MEAF6: variants seen among roughly 807,000 people sequenced by gnomAD.
MEAF6 encodes MYST/Esa1 associated factor 6.
Under a neutral mutation model 28.9 loss-of-function variants are expected in MEAF6, and 15 were observed. That is an observed-to-expected ratio of 0.52 (90% CI 0.35 to 0.80). The LOEUF (loss-of-function observed/expected upper bound fraction) is 0.80. Ranked by LOEUF, MEAF6 falls within the 30% of genes least tolerant of loss-of-function variation. The pLI is 0.01. For synonymous variants in MEAF6, 97 were observed against 88.7 expected (o/e 1.09, Z -0.53); for missense variants, 178 against 237.5 (o/e 0.75, Z 1.65).
intron 2 of MEAF6, among the ~76,000 whole-genome samples, chr1:37,512,932 T>C (rs1387023185): frequency 2.0e-5 from 3 of 152,120 alleles, no homozygotes; most frequent in African/African-American, 7.2e-5. Flanking sequence ...GGCTCACACC[T>C]GTAATCCCAA....
intron 4 of MEAF6, among the ~76,000 whole-genome samples, chr1:37,502,485 A>G (rs548096195): frequency 7.3e-5 from 11 of 151,686 alleles, no homozygotes; most frequent in Admixed American, 4.6e-4. Context: ...ACAAAAAAAA[A>G]GGGGGGGCCA....
At chr1:37,507,484 T>C in intron 4 of MEAF6, among the ~76,000 whole-genome samples, 1 of 135,992 alleles carries the variant, frequency 7.4e-6, no homozygotes, top group East Asian at 2.1e-4. Flanking sequence ...TAGTGGAGAG[T>C]CATAGTAAAA....
chr1:37,497,866 A>G (rs1161304726), intron 5 of MEAF6, among the ~76,000 whole-genome samples: 1 of 152,114 alleles, frequency 6.6e-6, no homozygotes, highest in Non-Finnish European at 1.5e-5. Context: ...TGCTGGGATT[A>G]CAGGCATGAG....
rs770103055 is a variant in MEAF6, at chr1:37,494,126, A to G, written c.568-19T>C. Reference sequence around the variant, plus strand: ...AATAGTCCTAAAGAAAGAAAAACAAAAGTCCCAACTTACTCTCGGCAGAAC... The same window carrying G: ...AATAGTCCTAAAGAAAGAAAAACAAGAGTCCCAACTTACTCTCGGCAGAAC... On this transcript the variant is annotated intron_variant, in intron 6 of 6. Transcript: ENST00000296214. 1.2e-6 allele frequency: 2 copies of G among 1,606,372 alleles called. No homozygotes were observed. Among genetic ancestry groups the G allele is most frequent in the Non-Finnish European group, 1.7e-6 (2 of 1,173,842 alleles).
At chr1:37,511,656 A>G (rs1314687334) in intron 2 of MEAF6, among the ~76,000 whole-genome samples, 1 of 152,214 alleles carries the variant, frequency 6.6e-6, no homozygotes, top group Non-Finnish European at 1.5e-5. Context: ...GGATACACCA[A>G]TTGCCTATGT....
intron 4 of MEAF6, among the ~76,000 whole-genome samples, chr1:37,503,827 G>A (rs1032253331): frequency 2.0e-5 from 3 of 152,052 alleles, no homozygotes; most frequent in Admixed American, 1.3e-4. Flanking sequence ...CAGGTGTGGC[G>A]GCAGGCGCCT....
intron 1 of MEAF6, chr1:37,513,998 C>T: frequency 5.5e-6 from 1 of 182,628 alleles, no homozygotes; most frequent in Non-Finnish European, 1.1e-5. Context: ...AGAAGGGCAG[C>T]TTCAGGTGAG....
At position 37,510,236 on chromosome 1, in the gene MEAF6, C is replaced by A. The variant is rs532687786; in HGVS notation, c.207-694G>T. Among the ~76,000 whole-genome samples the A allele has an allele frequency of 4.6e-5, 7 of 151,920 alleles. No individual in the cohort carries two copies. The South Asian group carries it at 1.5e-3, about 32-fold the overall frequency. ...GGGATTACAGGCACGTGCCACCACACCCAGCTAATTCTTTTTTTGTATCTT... is the reference window on the plus strand; with the variant it reads ...GGGATTACAGGCACGTGCCACCACAACCAGCTAATTCTTTTTTTGTATCTT... On this transcript the variant is annotated intron_variant, in intron 2 of 6. Transcript: ENST00000296214.
Position 37,493,496 on chromosome 1 carries a change from T to C in MEAF6, c.*603A>G. The stretch of plus-strand genomic sequence containing the variant: ...CCCTTGCAAAAAACAGAGGCAAGTT[T>C]CCCATTTTACTTATGATAAACCAGA... On this transcript the variant is annotated 3_prime_UTR_variant, in exon 7 of 7. Coordinates refer to ENST00000296214, the MANE Select transcript of MEAF6 (RefSeq NM_001270875.3). 2.2e-6 allele frequency: 1 copy of C among 452,406 alleles called. No individual in the cohort carries two copies. Among genetic ancestry groups the C allele is most frequent in the Non-Finnish European group, 3.9e-6 (1 of 258,500 alleles). The allele number at this position is 452,406 out of a possible 1,614,324, so 28.0% of individuals were successfully genotyped here.
intron 6 of MEAF6, among the ~76,000 whole-genome samples, chr1:37,494,556 C>T (rs537138847): frequency 2.0e-5 from 3 of 146,542 alleles, no homozygotes; most frequent in South Asian, 2.2e-4. Flanking sequence ...TCAGGCCAGG[C>T]GTGGTGGCTC....
chr1:37,498,919 C>A (rs964081367), intron 5 of MEAF6, among the ~76,000 whole-genome samples: 1 of 151,906 alleles, frequency 6.6e-6, no homozygotes, highest in Non-Finnish European at 1.5e-5. Context: ...TTTGGGAGGC[C>A]GAGGCAGGAG....
At chr1:37,507,311 ACT>A (rs1642518098) in intron 4 of MEAF6, among the ~76,000 whole-genome samples, 1 of 135,032 alleles carries the variant, frequency 7.4e-6, no homozygotes, top group Admixed American at 8.0e-5. Context: ...CAAAAGCAAA[ACT>A]CTGCCTCAAA....
chr1:37,505,072 CG>C (rs1185136279), intron 4 of MEAF6, among the ~76,000 whole-genome samples: 1 of 151,980 alleles, frequency 6.6e-6, no homozygotes, highest in Admixed American at 6.6e-5. Context: ...TTAGTAAAGA[CG>C]GGGTTTTGCC....
intron 4 of MEAF6, among the ~76,000 whole-genome samples, chr1:37,504,804 C>T (rs894681735): frequency 6.9e-5 from 9 of 130,636 alleles, no homozygotes; most frequent in South Asian, 2.8e-4. Context: ...TTTATATACA[C>T]ACACACACAC....
At position 37,491,880 on chromosome 1, in the gene MEAF6, C is replaced by T. The variant is rs964529148; in HGVS notation, c.*2219G>A. Among the ~76,000 whole-genome samples the T allele has an allele frequency of 3.3e-4, 50 of 149,944 alleles. 1 individual carries two copies. Among genetic ancestry groups the T allele is most frequent in the Non-Finnish European group, 6.4e-4 (43 of 67,646 alleles). Reference sequence around the variant, plus strand: ...GCATCCCACTGCAGTTTCATAAATACGTAAATAATCTTTTTAAGAGCAGTA... The same window carrying T: ...GCATCCCACTGCAGTTTCATAAATATGTAAATAATCTTTTTAAGAGCAGTA... On this transcript the variant is annotated 3_prime_UTR_variant, in exon 7 of 7. Coordinates refer to ENST00000296214, the MANE Select transcript of MEAF6 (RefSeq NM_001270875.3).
At chr1:37,500,308 TA>T (rs200639594) in intron 5 of MEAF6, among the ~76,000 whole-genome samples, 1 of 150,352 alleles carries the variant, frequency 6.7e-6, no homozygotes, top group African/African-American at 2.4e-5. Context: ...AATAAAAAAT[TA>T]AAAAAAAATG....
intron 6 of MEAF6, among the ~76,000 whole-genome samples, chr1:37,494,377 T>C (rs928166553): frequency 2.0e-5 from 3 of 151,210 alleles, no homozygotes; most frequent in African/African-American, 7.3e-5. Flanking sequence ...TGGCCAGACA[T>C]GGTGGTGGGC....
chr1:37,504,058 G>A (rs144986907), intron 4 of MEAF6, among the ~76,000 whole-genome samples: 1 of 152,180 alleles, frequency 6.6e-6, no homozygotes, highest in East Asian at 1.9e-4. Context: ...AGAGCTGGTG[G>A]GAGGTGACTG....
chr1:37,499,953 C>T (rs1642244080), intron 5 of MEAF6, among the ~76,000 whole-genome samples: 1 of 152,186 alleles, frequency 6.6e-6, no homozygotes, highest in South Asian at 2.1e-4. Flanking sequence ...GTCCCCGAAA[C>T]TTTCAAAGAG....
Sources: allele counts gnomAD v4.1 joint callset (sites outside exome capture counted in the v4.1 genomes callset), GRCh38; gene constraint gnomAD v4.1.1; transcripts MANE v1.5; gene names NCBI Gene and HGNC (gene_info 2026-07-23, HGNC 2026-07-21).